CAMK1D: variants seen among roughly 807,000 people sequenced by gnomAD.
CAMK1D encodes calcium/calmodulin-dependent protein kinase type 1D.
In CAMK1D, 9 loss-of-function variants were observed where a neutral mutation model predicts 47.7. The ratio of observed to expected loss-of-function variants is 0.19; its 90% CI spans 0.11 to 0.33. The LOEUF (loss-of-function observed/expected upper bound fraction) is 0.33, where lower values mean the gene tolerates loss of function less well. CAMK1D is among the 10% of genes least tolerant of loss of function. The pLI is 1.00. For synonymous variants in CAMK1D, 184 were observed against 184.9 expected (o/e 0.99, Z 0.04); for missense variants, 291 against 488.7 (o/e 0.60, Z 3.81).
intron 3 of CAMK1D, among the ~76,000 whole-genome samples, chr10:12,734,698 C>T (rs1298532095): frequency 6.6e-6 from 1 of 151,790 alleles, no homozygotes; most frequent in African/African-American, 2.4e-5. Flanking sequence ...ATGGCCTGGC[C>T]TTGGGCACCA....
chr10:12,814,354 T>TA lies in CAMK1D; in HGVS notation c.754+48dup, dbSNP rs747877158. ...CCCAGTGGGCGGCCCCCGCGACACTTACACCCAGACCACGTGACCCTGACA... is the reference window on the plus strand; with the variant it reads ...CCCAGTGGGCGGCCCCCGCGACACTTAACACCCAGACCACGTGACCCTGACA... On this transcript the variant is annotated intron_variant, in intron 7 of 10. Coordinates refer to ENST00000619168, the MANE Select transcript of CAMK1D (RefSeq NM_153498.4). 313 of 1,238,386 alleles carry TA rather than the reference T, an allele frequency of 2.5e-4. No homozygotes were observed. In the Middle Eastern group the frequency reaches 5.2e-3, roughly 21 times the overall value. The allele number at this position is 1,238,386 out of a possible 1,614,324, so 76.7% of individuals were successfully genotyped here.
At chr10:12,620,201 A>T (rs1043032326) in intron 2 of CAMK1D, among the ~76,000 whole-genome samples, 5 of 146,316 alleles carry the variant, frequency 3.4e-5, no homozygotes, top group South Asian at 2.2e-4. Context: ...AAAAAAAAAA[A>T]AAAAAAAAAA....
In CAMK1D at chr10:12,763,557, A is replaced by G. The variant is rs550980334; in HGVS notation, c.438+2471A>G. The stretch of plus-strand genomic sequence containing the variant: ...GCACCATTGGCATTCAGCCCTGGGC[A>G]CTGTGGGATTTAGAGCAGCATCCTT... On this transcript the variant is annotated intron_variant, in intron 4 of 10. Coordinates refer to ENST00000619168, the MANE Select transcript of CAMK1D (RefSeq NM_153498.4). Among the ~76,000 whole-genome samples, 3 of 152,314 alleles carry G rather than the reference A, an allele frequency of 2.0e-5. No individual in the cohort carries two copies. In the South Asian group the frequency reaches 6.2e-4, roughly 32 times the overall value.
At chr10:12,366,829 G>A (rs1837850105) in intron 1 of CAMK1D, among the ~76,000 whole-genome samples, 1 of 152,100 alleles carries the variant, frequency 6.6e-6, no homozygotes, top group South Asian at 2.1e-4. Flanking sequence ...TATTTTACTA[G>A]GTGGTGTGCC....
intron 2 of CAMK1D, among the ~76,000 whole-genome samples, chr10:12,553,626 A>G (rs1218860858): frequency 2.6e-5 from 4 of 152,184 alleles, no homozygotes; most frequent in Admixed American, 2.0e-4. Context: ...GCCACTCACC[A>G]TATCCGAGTG....
At position 12,518,492 on chromosome 10, in the gene CAMK1D, T is replaced by A. The variant is rs556940904; in HGVS notation, c.93-34733T>A. Among the ~76,000 whole-genome samples the A allele has an allele frequency of 1.4e-4, 15 of 105,256 alleles. 5 individuals are homozygous for A. In the East Asian group the frequency reaches 2.3e-3, roughly 16 times the overall value. 69.1% of individuals were successfully genotyped at this position (105,256 alleles called of 152,430 possible). A position where few individuals can be genotyped will look rare whatever the true frequency, so the allele number is the denominator to read the frequency against. ...TCATTCTTTTTTTATTTTTTATTTT[T>A]TATTTTTTTTTTTTATTGATCATTC... On this transcript the variant is annotated intron_variant, in intron 1 of 10. Transcript: ENST00000619168.
At chr10:12,668,284 G>A (rs1840495706) in intron 3 of CAMK1D, among the ~76,000 whole-genome samples, 1 of 152,236 alleles carries the variant, frequency 6.6e-6, no homozygotes, top group African/African-American at 2.4e-5. Flanking sequence ...TGAGATTTCA[G>A]TGGCAACCAA....
chr10:12,427,710 T>TTTTTTTTTTTTTTTTTTTG (rs1840294532), intron 1 of CAMK1D, among the ~76,000 whole-genome samples: 1 of 109,422 alleles, frequency 9.1e-6, no homozygotes, highest in African/African-American at 3.5e-5. Context: ...GTTTTTTTTT[T>TTTTTTTTTTTTTTTTTTTG]TTTTTTTTTT....
intron 6 of CAMK1D, among the ~76,000 whole-genome samples, chr10:12,810,803 G>C (rs1402624812): frequency 6.6e-6 from 1 of 152,214 alleles, no homozygotes; most frequent in Non-Finnish European, 1.5e-5. Context: ...AAATCCGACA[G>C]AATAGGCTCA....
chr10:12,738,299 C>T, intron 3 of CAMK1D, among the ~76,000 whole-genome samples: 1 of 152,110 alleles, frequency 6.6e-6, no homozygotes, highest in South Asian at 2.1e-4. Flanking sequence ...ACAAGAGATG[C>T]AAAGAGTCAC....
chr10:12,486,507 A>G (rs1276540420), intron 1 of CAMK1D, among the ~76,000 whole-genome samples: 1 of 145,602 alleles, frequency 6.9e-6, no homozygotes, highest in Non-Finnish European at 1.5e-5. Flanking sequence ...TGCACCATGT[A>G]CCCACGTGTG....
chr10:12,547,658 A>ACT (rs1344293869), intron 1 of CAMK1D, among the ~76,000 whole-genome samples: 2 of 34,930 alleles, frequency 5.7e-5, no homozygotes, highest in South Asian at 1.4e-3. Context: ...CCAACCCTGC[A>ACT]CTCTCTCTCT....
At chr10:12,465,733 T>C (rs1833571051) in intron 1 of CAMK1D, among the ~76,000 whole-genome samples, 2 of 152,176 alleles carry the variant, frequency 1.3e-5, no homozygotes, top group South Asian at 4.1e-4. Context: ...GGTTGTTGCA[T>C]TTAATCACCC....
chr10:12,532,247 A>T (rs1835827655), intron 1 of CAMK1D, among the ~76,000 whole-genome samples: 1 of 151,328 alleles, frequency 6.6e-6, no homozygotes, highest in Admixed American at 6.6e-5. Context: ...CATATTGACC[A>T]CTTGGCCACA....
chr10:12,361,815 C>T (rs546603199), intron 1 of CAMK1D, among the ~76,000 whole-genome samples: 2 of 152,080 alleles, frequency 1.3e-5, no homozygotes, highest in Non-Finnish European at 2.9e-5. Context: ...CTTGGCCTCC[C>T]AAAGTGCTCG....
chr10:12,633,059 C>T (rs187591391), intron 2 of CAMK1D, among the ~76,000 whole-genome samples: 8 of 152,270 alleles, frequency 5.3e-5, no homozygotes, highest in South Asian at 2.1e-4. Context: ...TTGGTGTCCC[C>T]GTGAGGCCCC....
chr10:12,668,923 A>C (rs562584247), intron 3 of CAMK1D, among the ~76,000 whole-genome samples: 9 of 151,628 alleles, frequency 5.9e-5, no homozygotes, highest in South Asian at 4.1e-4. Flanking sequence ...GAAAAAAAAA[A>C]CAAAAAACAA....
rs1471020063 is a variant in CAMK1D, at chr10:12,833,889, T to C, written c.*5002T>C. ...GAACTTTGCCTTTTCCTTAAACACA[T>C]TCCAGACCAAACACTGTTCAGTTTG... On this transcript the variant is annotated 3_prime_UTR_variant, in exon 11 of 11. Transcript: ENST00000619168. 1 of 139,724 alleles carries C rather than the reference T, an allele frequency of 7.2e-6. No homozygotes were observed. Among genetic ancestry groups the C allele is most frequent in the African/African-American group, 2.7e-5 (1 of 36,474 alleles). The allele number at this position is 139,724 out of a possible 1,614,324, so 8.7% of individuals were successfully genotyped here.
intron 2 of CAMK1D, among the ~76,000 whole-genome samples, chr10:12,602,214 CA>C (rs1432860600): frequency 4.6e-5 from 7 of 152,218 alleles, no homozygotes; most frequent in Non-Finnish European, 7.3e-5. Context: ...TCTCTACTCA[CA>C]ATCTTTTATT....
Sources: allele counts gnomAD v4.1 joint callset (sites outside exome capture counted in the v4.1 genomes callset), GRCh38; gene constraint gnomAD v4.1.1; transcripts MANE v1.5; gene names NCBI Gene and HGNC (gene_info 2026-07-23, HGNC 2026-07-21).